Variants in GRIP1 observed in about 807,000 individuals in gnomAD.
GRIP1 encodes glutamate receptor-interacting protein 1.
A neutral mutation model predicts 129.9 loss-of-function variants in GRIP1; 45 were observed. That is an observed-to-expected ratio of 0.35 (90% CI 0.27 to 0.44). GRIP1 has a LOEUF of 0.44. Among genes scored for constraint, GRIP1 ranks in the 20% least tolerant of loss-of-function variants. The probability of loss-of-function intolerance (pLI) is 1.00; values close to 1 mark genes in which losing one functional copy is unlikely to be tolerated. For missense variants in GRIP1, 1,196 were observed against 1,396.8 expected (o/e 0.86, Z 2.29); for synonymous variants, 530 against 520.8 (o/e 1.02, Z -0.24).
At position 66,930,438 on chromosome 12, in the gene GRIP1, A is replaced by T. The variant is rs543588339; in HGVS notation, c.58+138612T>A. 2.0e-5 allele frequency among the ~76,000 whole-genome samples: 3 copies of T among 151,078 alleles called. No homozygotes were observed. The East Asian group carries it at 5.9e-4, about 30-fold the overall frequency. ...ATGTCCCTACAAAGGACATGAACTC[A>T]TCATTTTTTATGGCTGCATAGTATT... On this transcript the variant is annotated intron_variant, in intron 1 of 1. Transcript: ENST00000643019.
At chr12:66,834,411 T>C (rs766941440) in intron 1 of GRIP1, among the ~76,000 whole-genome samples, 4 of 152,118 alleles carry the variant, frequency 2.6e-5, no homozygotes, top group Non-Finnish European at 5.9e-5. Context: ...TAGCTTAGTA[T>C]GTGCATGAGA....
intron 1 of GRIP1, among the ~76,000 whole-genome samples, chr12:66,631,719 G>C (rs1292239952): frequency 6.6e-6 from 1 of 152,190 alleles, no homozygotes; most frequent in Non-Finnish European, 1.5e-5. Flanking sequence ...ATGGGAGACT[G>C]ATGACAAATT....
rs554348857 is a variant in GRIP1, at chr12:66,848,080, G to A, written c.58+220970C>T. Among the ~76,000 whole-genome samples the A allele has an allele frequency of 3.9e-5, 6 of 152,212 alleles. No individual in the cohort carries two copies. The South Asian group carries it at 1.0e-3, about 26-fold the overall frequency. On this transcript the variant is annotated intron_variant, in intron 1 of 1. Coordinates refer to the GRIP1 transcript ENST00000643019. ...ATATCATATCCGACTTTCAAATACC[G>A]TAATGCTAACATCATATTAAATCAA...
At chr12:66,525,498 T>G (rs1272948406) in intron 5 of GRIP1, among the ~76,000 whole-genome samples, 5 of 151,570 alleles carry the variant, frequency 3.3e-5, no homozygotes, top group Non-Finnish European at 5.9e-5. Flanking sequence ...TGCTAAAAAC[T>G]CTCAATAAAT....
intron 1 of GRIP1, among the ~76,000 whole-genome samples, chr12:66,728,685 A>G (rs1592784145): frequency 6.6e-6 from 1 of 152,190 alleles, no homozygotes; most frequent in East Asian, 1.9e-4. Flanking sequence ...CTCTGCCACA[A>G]TTCTTACTAT....
chr12:66,455,524 A>G lies in GRIP1; in HGVS notation c.1239T>C (p.Ser413=). The change falls in exon 11 of 25, where the codon AGT becomes AGC. Residue 413 remains serine (S), a synonymous_variant. Transcript: ENST00000359742. ...VSSSFSPTSM[S]AYSLSSLNMG... Reference sequence around the variant, plus strand: ...TGTTCAGGGAACTCAGGCTGTATGCACTCATGGAGGTAGGAGAGAAGGATG... The same window carrying G: ...TGTTCAGGGAACTCAGGCTGTATGCGCTCATGGAGGTAGGAGAGAAGGATG... 5 of 1,613,974 alleles carry G rather than the reference A, an allele frequency of 3.1e-6. 1 individual carries two copies. The Admixed American group carries it at 8.3e-5, about 27-fold the overall frequency.
At chr12:67,008,228 C>G (rs1410105442) in intron 1 of GRIP1, among the ~76,000 whole-genome samples, 1 of 152,160 alleles carries the variant, frequency 6.6e-6, no homozygotes, top group Non-Finnish European at 1.5e-5. Flanking sequence ...GGGGGTACTG[C>G]CCCGTTCATG....
chr12:66,467,205 T>C (rs970130895), intron 7 of GRIP1, among the ~76,000 whole-genome samples: 1 of 152,112 alleles, frequency 6.6e-6, no homozygotes, highest in Non-Finnish European at 1.5e-5. Flanking sequence ...GAGCCAAAGG[T>C]CTTAATTATT....
chr12:66,446,803 ACTCTCTGCCAGCAGAGCC>A, intron 11 of GRIP1, among the ~76,000 whole-genome samples: 1 of 151,376 alleles, frequency 6.6e-6, no homozygotes, highest in South Asian at 2.1e-4. Context: ...CCCTACTTCC[ACTCTCTGCCAGCAGAGCC>A]CTATGGTGGT....
chr12:66,703,204 T>C (rs1216210328), intron 1 of GRIP1, among the ~76,000 whole-genome samples: 1 of 152,052 alleles, frequency 6.6e-6, no homozygotes, highest in African/African-American at 2.4e-5. Flanking sequence ...TACTAAGGCT[T>C]AAGTTTGCTT....
intron 1 of GRIP1, among the ~76,000 whole-genome samples, chr12:66,950,979 T>C (rs2041747812): frequency 6.6e-6 from 1 of 152,238 alleles, no homozygotes; most frequent in South Asian, 2.1e-4. Context: ...TTTAGTATTT[T>C]TGGTTTTCAT....
At chr12:66,569,847 C>T (rs1565871329) in intron 2 of GRIP1, among the ~76,000 whole-genome samples, 2 of 152,214 alleles carry the variant, frequency 1.3e-5, no homozygotes, top group East Asian at 3.9e-4. Flanking sequence ...GGGAAAGTAT[C>T]AACAGAACAG....
intron 2 of GRIP1, among the ~76,000 whole-genome samples, chr12:66,574,688 G>C (rs116488280): frequency 6.6e-6 from 1 of 151,894 alleles, no homozygotes; most frequent in East Asian, 1.9e-4. Flanking sequence ...AGACTGACTT[G>C]CTATTATATT....
At chr12:66,982,019 G>A (rs2042248147) in intron 1 of GRIP1, among the ~76,000 whole-genome samples, 1 of 152,166 alleles carries the variant, frequency 6.6e-6, no homozygotes, top group African/African-American at 2.4e-5. Context: ...ATAGTAATGG[G>A]AGAGCCACCT....
chr12:66,676,531 C>G (rs971139526), intron 1 of GRIP1, among the ~76,000 whole-genome samples: 2 of 152,152 alleles, frequency 1.3e-5, no homozygotes, highest in African/African-American at 2.4e-5. Flanking sequence ...AAATGCCCTA[C>G]TACTTTCAAC....
chr12:66,766,402 T>C (rs2037639076), intron 1 of GRIP1, among the ~76,000 whole-genome samples: 2 of 152,158 alleles, frequency 1.3e-5, no homozygotes, highest in African/African-American at 4.8e-5. Flanking sequence ...CAGCTGGCAC[T>C]CCCTTCCTTG....
chr12:66,696,224 T>C (rs897963332), intron 1 of GRIP1, among the ~76,000 whole-genome samples: 2 of 152,144 alleles, frequency 1.3e-5, no homozygotes, highest in Non-Finnish European at 2.9e-5. Context: ...TTTGACCCAG[T>C]AGACATACAG....
intron 1 of GRIP1, among the ~76,000 whole-genome samples, chr12:66,768,869 T>C (rs911048955): frequency 9.9e-5 from 15 of 152,144 alleles, no homozygotes; most frequent in African/African-American, 3.6e-4. Context: ...ATTCTTGTAC[T>C]CAGCCCACAC....
intron 1 of GRIP1, among the ~76,000 whole-genome samples, chr12:66,924,144 C>A (rs2041258224): frequency 6.6e-6 from 1 of 152,112 alleles, no homozygotes; most frequent in Non-Finnish European, 1.5e-5. Context: ...CATGCCCAGC[C>A]AATTTTTTGG....
Sources: allele counts gnomAD v4.1 joint callset (sites outside exome capture counted in the v4.1 genomes callset), GRCh38; gene constraint gnomAD v4.1.1; transcripts MANE v1.5; gene names NCBI Gene and HGNC (gene_info 2026-07-23, HGNC 2026-07-21).